Variants in AFF2 observed in about 807,000 individuals in gnomAD.
AFF2 encodes the protein ALF transcription elongation factor 2.
AFF2 carries 14 observed loss-of-function variants against 76.9 expected under a neutral mutation model. The observed-to-expected ratio is 0.18, with a 90% CI of 0.12 to 0.28. The LOEUF (loss-of-function observed/expected upper bound fraction) is 0.28, where lower values mean the gene tolerates loss of function less well. AFF2 is among the 10% of genes least tolerant of loss of function. The pLI, the probability that AFF2 is intolerant of heterozygous loss-of-function variation, is 1.00. For synonymous variants in AFF2, 398 were observed against 366.7 expected (o/e 1.09, Z -0.98); for missense variants, 868 against 1,001.1 (o/e 0.87, Z 1.79).
At chrX:148,694,175 C>CGGGGGGGGGGGGGTGGGGGGGG (rs67194871) in intron 3 of AFF2, among the ~76,000 whole-genome samples, 1 of 72,850 alleles carries the variant, frequency 1.4e-5, no homozygotes, top group Non-Finnish European at 2.5e-5. Context: ...GTTGTGGGGT[C>CGGGGGGGGGGGGGTGGGGGGGG]GGGGGGGGGG....
chrX:148,737,458 A>C (rs1557265197), intron 3 of AFF2, among the ~76,000 whole-genome samples: 1 of 112,004 alleles, frequency 8.9e-6, no homozygotes, highest in Non-Finnish European at 1.9e-5. Context: ...ATTTGTGTAC[A>C]TTAATCTTGT....
intron 7 of AFF2, among the ~76,000 whole-genome samples, chrX:148,885,244 G>T (rs1557278926): frequency 9.0e-6 from 1 of 111,707 alleles, no homozygotes. Flanking sequence ...TTTTTCAGGT[G>T]CCTTGCCTTA....
At chrX:148,727,559 A>G (rs1354398960) in intron 3 of AFF2, among the ~76,000 whole-genome samples, 1 of 111,824 alleles carries the variant, frequency 8.9e-6, no homozygotes, top group Non-Finnish European at 1.9e-5. Context: ...ACACTGTCTC[A>G]TAGATTCTCA....
At chrX:148,698,805 T>A (rs980954208) in intron 3 of AFF2, among the ~76,000 whole-genome samples, 1 of 107,018 alleles carries the variant, frequency 9.3e-6, no homozygotes, top group Non-Finnish European at 1.9e-5. Flanking sequence ...GTGTTTTTTT[T>A]TTTTTTTTTT....
At chrX:148,866,243 T>C (rs989616668) in intron 7 of AFF2, among the ~76,000 whole-genome samples, 4 of 112,174 alleles carry the variant, frequency 3.6e-5, no homozygotes, top group African/African-American at 1.3e-4. Context: ...AGGATATACA[T>C]TGGCTTTTAT....
intron 3 of AFF2, among the ~76,000 whole-genome samples, chrX:148,803,569 G>T (rs541720417): frequency 3.6e-5 from 4 of 111,749 alleles, no homozygotes; most frequent in Middle Eastern, 9.2e-3. Flanking sequence ...TTTTGTCGAA[G>T]ACTGTAATAT....
chrX:148,791,654 G>A (rs2069896647), intron 3 of AFF2, among the ~76,000 whole-genome samples: 1 of 112,338 alleles, frequency 8.9e-6, no homozygotes, highest in East Asian at 2.8e-4. Context: ...GCAAAAAATA[G>A]CACGAAGTCC....
intron 3 of AFF2, among the ~76,000 whole-genome samples, chrX:148,782,003 C>G (rs1420473126): frequency 9.0e-6 from 1 of 111,013 alleles, no homozygotes; most frequent in East Asian, 2.9e-4. Flanking sequence ...GCTCGCCATC[C>G]TTGGGCTGCA....
In AFF2 at chrX:148,662,220, A is replaced by G. The variant is rs142559324; in HGVS notation, c.493A>G (p.Asn165Asp). ...SKPEWSRDSHNPSTVLASQAS... is the reference protein window; with the variant it reads ...SKPEWSRDSHDPSTVLASQAS... ...ACCTGAGTGGTCACGTGATAGTCAT[A>G]ACCCTAGCACTGTACTGGCAAGCCA... Residue 165 changes from asparagine to aspartate, a missense_variant, in exon 3 of 21, where the codon AAC (asparagine) becomes GAC (aspartate). This residue lies in a region of AFF2 where 196 missense variants were observed against 194.8 expected (regional missense o/e 1.01). Coordinates refer to ENST00000370460, the MANE Select transcript of AFF2 (RefSeq NM_002025.4). 9.5e-5 allele frequency: 115 copies of G among 1,209,731 alleles called. No individual in the cohort carries two copies. In the East Asian group the frequency reaches 1.7e-3, roughly 18 times the overall value.
intron 1 of AFF2, among the ~76,000 whole-genome samples, chrX:148,550,211 A>G (rs1348926603): frequency 8.9e-6 from 1 of 112,109 alleles, no homozygotes; most frequent in East Asian, 2.8e-4. Context: ...TTTGTGGTGT[A>G]TATTTGCAGA....
intron 1 of AFF2, among the ~76,000 whole-genome samples, chrX:148,637,486 A>G (rs1214529432): frequency 2.7e-5 from 3 of 112,509 alleles, no homozygotes; most frequent in Non-Finnish European, 5.6e-5. Flanking sequence ...TAAGTGACTT[A>G]TTAAGTAGAC....
intron 3 of AFF2, among the ~76,000 whole-genome samples, chrX:148,744,563 C>A (rs1314823931): frequency 9.0e-6 from 1 of 111,122 alleles, no homozygotes; most frequent in Admixed American, 9.6e-5. Context: ...AGCTTTTCAT[C>A]ATGTCATTAG....
chrX:148,645,322 A>G (rs782042081), intron 1 of AFF2, among the ~76,000 whole-genome samples: 1 of 112,238 alleles, frequency 8.9e-6, no homozygotes, highest in East Asian at 2.8e-4. Context: ...CTTTACACTA[A>G]CCATGCAGAG....
intron 1 of AFF2, among the ~76,000 whole-genome samples, chrX:148,599,826 C>A (rs1410770216): frequency 8.9e-6 from 1 of 111,776 alleles, no homozygotes; most frequent in Non-Finnish European, 1.9e-5. Flanking sequence ...GATTTTAAAT[C>A]ATGTTCAGTC....
intron 9 of AFF2, among the ~76,000 whole-genome samples, chrX:148,950,970 A>G (rs1421046351): frequency 1.8e-5 from 2 of 111,964 alleles, no homozygotes; most frequent in Non-Finnish European, 3.8e-5. Context: ...ACATTTATGT[A>G]TTCCTCTTAC....
At position 148,995,782 on chromosome X, in the gene AFF2, AG is replaced by A. The variant is rs782468811; in HGVS notation, c.*4452del. On this transcript the variant is annotated 3_prime_UTR_variant, in exon 21 of 21. Coordinates refer to ENST00000370460, the MANE Select transcript of AFF2 (RefSeq NM_002025.4). ...GCTCTGTGATTTGTATCAGACTTTG[AG>A]GAGGGAAGGGGGAAGTGAAGGAAGC... 1 of 112,502 alleles carries A rather than the reference AG, an allele frequency of 8.9e-6. No individual in the cohort carries two copies. Among genetic ancestry groups the A allele is most frequent in the Admixed American group, 9.4e-5 (1 of 10,692 alleles). 9.3% of individuals were successfully genotyped at this position (112,502 alleles called of 1,213,427 possible).
intron 1 of AFF2, among the ~76,000 whole-genome samples, chrX:148,643,699 A>G (rs915550958): frequency 2.7e-5 from 3 of 111,508 alleles, no homozygotes; most frequent in Middle Eastern, 4.3e-3. Flanking sequence ...AGTGCTTGAC[A>G]TGAGATTCAA....
Position 148,758,955 on chromosome X carries a change from G to C in AFF2, c.1042-50921G>C, listed in dbSNP as rs1285422171. ...TGCCCGACTAATTTTTGTATTTTTA[G>C]TAGAGACTGGGTTTCGCCATGTTGG... On this transcript the variant is annotated intron_variant, in intron 3 of 20. Transcript: ENST00000370460. 2.7e-5 allele frequency among the ~76,000 whole-genome samples: 3 copies of C among 111,866 alleles called. No individual in the cohort carries two copies. The East Asian group carries it at 8.5e-4, about 32-fold the overall frequency.
chrX:148,969,757 G>T (rs2072226238), intron 15 of AFF2, among the ~76,000 whole-genome samples: 1 of 110,639 alleles, frequency 9.0e-6, no homozygotes, highest in South Asian at 3.8e-4. Context: ...AAATTCCTTG[G>T]TGGTGGTGGG....
Sources: allele counts gnomAD v4.1 joint callset (sites outside exome capture counted in the v4.1 genomes callset), GRCh38; gene constraint gnomAD v4.1.1; regional missense constraint gnomAD v4.1.1; transcripts MANE v1.5; gene names NCBI Gene and HGNC (gene_info 2026-07-23, HGNC 2026-07-21).